The following FGD4 variants were observed in gnomAD, a reference collection of about 807,000 sequenced individuals.
FGD4 encodes the protein FYVE, RhoGEF and PH domain-containing protein 4.
In FGD4, 42 loss-of-function variants were observed where a neutral mutation model predicts 102.0. The ratio of observed to expected loss-of-function variants is 0.41; its 90% CI spans 0.32 to 0.53. The LOEUF is 0.53. Among genes scored for constraint, FGD4 ranks in the 20% least tolerant of loss-of-function variants. FGD4 has a pLI of 0.21. For missense variants in FGD4, 902 were observed against 1,078.2 expected (o/e 0.84, Z 2.29); for synonymous variants, 380 against 375.7 (o/e 1.01, Z -0.13).
intron 1 of FGD4, among the ~76,000 whole-genome samples, chr12:32,417,053 C>T (rs1941446785): frequency 1.3e-5 from 2 of 151,918 alleles, no homozygotes; most frequent in African/African-American, 2.4e-5. Flanking sequence ...CATGCCACCA[C>T]GTCTGCTAAT....
intron 4 of FGD4, among the ~76,000 whole-genome samples, chr12:32,597,963 ACCT>A (rs1337547108): frequency 6.6e-6 from 1 of 152,026 alleles, no homozygotes; most frequent in Non-Finnish European, 1.5e-5. Context: ...CACAGCCTCA[ACCT>A]CCTCCCATCT....
chr12:32,526,890 C>T (rs1486637887), intron 1 of FGD4, among the ~76,000 whole-genome samples: 1 of 152,160 alleles, frequency 6.6e-6, no homozygotes, highest in Non-Finnish European at 1.5e-5. Context: ...ACCAAGAACC[C>T]ACCAATTCCG....
chr12:32,628,316 G>T (rs1420852670), intron 14 of FGD4, among the ~76,000 whole-genome samples: 1 of 151,876 alleles, frequency 6.6e-6, no homozygotes, highest in East Asian at 1.9e-4. Flanking sequence ...AAGAGTCAGG[G>T]AATACAAGCC....
At chr12:32,498,634 GTC>G (rs914893757) in intron 1 of FGD4, among the ~76,000 whole-genome samples, 3 of 152,112 alleles carry the variant, frequency 2.0e-5, no homozygotes, top group African/African-American at 7.2e-5. Flanking sequence ...TTGAGACAGA[GTC>G]TCTGTCGCCC....
intron 7 of FGD4, among the ~76,000 whole-genome samples, chr12:32,607,223 C>A (rs866525123): frequency 2.0e-5 from 3 of 152,172 alleles, no homozygotes; most frequent in Non-Finnish European, 2.9e-5. Flanking sequence ...TCTGTTCTTA[C>A]ACCAGATTGG....
intron 1 of FGD4, among the ~76,000 whole-genome samples, chr12:32,562,777 G>T (rs1944729815): frequency 6.6e-6 from 1 of 152,064 alleles, no homozygotes; most frequent in Non-Finnish European, 1.5e-5. Context: ...ATTTTTCTTA[G>T]TACAGAACAA....
chr12:32,468,497 A>T (rs368123626), intron 1 of FGD4, among the ~76,000 whole-genome samples: 2 of 152,192 alleles, frequency 1.3e-5, no homozygotes, highest in South Asian at 4.1e-4. Flanking sequence ...AAATTCAGGT[A>T]AAAGTATGGT....
intron 1 of FGD4, among the ~76,000 whole-genome samples, chr12:32,486,349 G>A (rs903377684): frequency 1.3e-5 from 2 of 152,176 alleles, no homozygotes; most frequent in African/African-American, 4.8e-5. Flanking sequence ...ACAAAGGTGT[G>A]CTTTTTCTTA....
At chr12:32,473,570 C>G (rs1313203281) in intron 1 of FGD4, among the ~76,000 whole-genome samples, 1 of 152,056 alleles carries the variant, frequency 6.6e-6, no homozygotes, top group Non-Finnish European at 1.5e-5. Context: ...AGACGCGCCA[C>G]CTTAAGAGCT....
chr12:32,524,650 C>T (rs1245890083), intron 1 of FGD4, among the ~76,000 whole-genome samples: 5 of 151,858 alleles, frequency 3.3e-5, no homozygotes, highest in African/African-American at 1.2e-4. Flanking sequence ...CACAGGGAGA[C>T]TCTGACTCTA....
At chr12:32,428,044 G>C (rs892246221) in intron 1 of FGD4, among the ~76,000 whole-genome samples, 1 of 151,982 alleles carries the variant, frequency 6.6e-6, no homozygotes, top group South Asian at 2.1e-4. Context: ...TTTTAATTGG[G>C]GCATTTAGCC....
chr12:32,505,881 G>T (rs899747095), intron 1 of FGD4, among the ~76,000 whole-genome samples: 2 of 152,050 alleles, frequency 1.3e-5, no homozygotes, highest in Non-Finnish European at 2.9e-5. Flanking sequence ...ATTGTGAGAC[G>T]TAGTATGTTC....
intron 1 of FGD4, among the ~76,000 whole-genome samples, chr12:32,563,925 G>A (rs75414193): frequency 2.0e-5 from 3 of 151,746 alleles, no homozygotes; most frequent in Admixed American, 6.6e-5. Context: ...CAGGCAGGGA[G>A]GTTGCAGTGA....
At chr12:32,625,863 G>T in intron 14 of FGD4, 84 bp downstream of exon 14, 1 of 1,569,762 alleles carries the variant, frequency 6.4e-7, no homozygotes, top group South Asian at 1.1e-5. Flanking sequence ...ACAAAAAAAT[G>T]ACTTTCAACA....
chr12:32,432,051 A>ATTTTTT (rs60933809), intron 1 of FGD4, among the ~76,000 whole-genome samples: 1 of 107,710 alleles, frequency 9.3e-6, no homozygotes, highest in Non-Finnish European at 2.0e-5. Context: ...TAATCCTAGC[A>ATTTTTT]TTTTTTTTTT....
At chr12:32,481,642 G>A (rs1943769183) in intron 1 of FGD4, among the ~76,000 whole-genome samples, 3 of 152,128 alleles carry the variant, frequency 2.0e-5, no homozygotes, top group Admixed American at 2.0e-4. Context: ...CCAACAAGGT[G>A]AAACCCTGTC....
rs188225058 is a variant in FGD4 at position 32,415,977 on chromosome 12, C to T, written c.166+16018C>T. Among the ~76,000 whole-genome samples, 4 of 152,074 alleles carry T rather than the reference C, an allele frequency of 2.6e-5. No individual in the cohort carries two copies. The East Asian group carries it at 7.7e-4, about 29-fold the overall frequency. Reference sequence around the variant, plus strand: ...GAAGTGTGTTTCTTTTAGGCAACAGCTCATTGGGCCTTGCATTTTTATCCA... The same window carrying T: ...GAAGTGTGTTTCTTTTAGGCAACAGTTCATTGGGCCTTGCATTTTTATCCA... On this transcript the variant is annotated intron_variant, in intron 1 of 16. Coordinates refer to ENST00000534526, the MANE Select transcript of FGD4 (RefSeq NM_001370298.3).
intron 1 of FGD4, among the ~76,000 whole-genome samples, 167 bp from the exon 2 acceptor site, chr12:32,563,970 C>T (rs889472079): frequency 7.6e-6 from 1 of 131,484 alleles, no homozygotes; most frequent in South Asian, 2.7e-4. Context: ...AGCTTCGGCT[C>T]GGCATCAGAG....
chr12:32,574,154 T>C (rs1005820562), intron 2 of FGD4, among the ~76,000 whole-genome samples: 1 of 152,150 alleles, frequency 6.6e-6, no homozygotes, highest in Non-Finnish European at 1.5e-5. Context: ...GAGAAAGTGA[T>C]GGGTATCATT....
Sources: gnomAD v4.1 joint callset for allele counts (sites outside exome capture counted in the v4.1 genomes callset) on GRCh38, gnomAD v4.1.1 for gene constraint, MANE v1.5 for transcripts, NCBI Gene and HGNC (gene_info 2026-07-23, HGNC 2026-07-21) for gene names.